The following PPARG variants were observed in gnomAD, a reference collection of about 807,000 sequenced individuals.
The protein encoded by PPARG is peroxisome proliferator-activated receptor gamma.
PPARG carries 17 observed loss-of-function variants against 39.2 expected under a neutral mutation model. The observed-to-expected ratio is 0.43, with a 90% CI of 0.30 to 0.65. The LOEUF (loss-of-function observed/expected upper bound fraction) is 0.65. Among genes scored for constraint, PPARG ranks in the 30% least tolerant of loss-of-function variants. The pLI is 0.13. For missense variants in PPARG, 406 were observed against 585.9 expected, an observed-to-expected ratio of 0.69 and a Z score of 3.17; for synonymous variants, 223 against 215.7, an observed-to-expected ratio of 1.03 and a Z score of -0.30.
At chr3:12,373,503 T>C (rs1178692535) in intron 2 of PPARG, among the ~76,000 whole-genome samples, 3 of 152,332 alleles carry the variant, frequency 2.0e-5, no homozygotes, top group African/African-American at 7.2e-5. Flanking sequence ...TTGTATTTTA[T>C]TGATAATGTT....
intron 2 of PPARG, among the ~76,000 whole-genome samples, chr3:12,376,286 C>A: frequency 6.6e-6 from 1 of 152,102 alleles, no homozygotes. Context: ...CAGCCGAAAT[C>A]TTCAATCTTC....
intron 5 of PPARG, among the ~76,000 whole-genome samples, chr3:12,399,043 C>T (rs2050370393): frequency 6.6e-6 from 1 of 152,176 alleles, no homozygotes; most frequent in African/African-American, 2.4e-5. Flanking sequence ...GAGAAAGACT[C>T]ATCTGTGTAA....
At chr3:12,321,924 G>T (rs1415739313) in intron 2 of PPARG, among the ~76,000 whole-genome samples, 1 of 152,166 alleles carries the variant, frequency 6.6e-6, no homozygotes, top group African/African-American at 2.4e-5. Flanking sequence ...TAAAATTGCA[G>T]TGTCATTGAA....
chr3:12,345,239 G>A (rs2048292415), intron 2 of PPARG, among the ~76,000 whole-genome samples: 1 of 152,190 alleles, frequency 6.6e-6, no homozygotes. Context: ...CTGTGAATGA[G>A]GCAAGAGAAC....
rs1292051524 is a variant in PPARG at position 12,291,034 on chromosome 3, G to C, written c.-83+1900G>C. Reference sequence around the variant, plus strand: ...CTGGATTCGTTGTCACTTGGACTTGGAAATACAGTATGTCATTAGGTGTGG... The same window carrying C: ...CTGGATTCGTTGTCACTTGGACTTGCAAATACAGTATGTCATTAGGTGTGG... On this transcript the variant is annotated intron_variant, in intron 1 of 7. Coordinates refer to ENST00000651735, the MANE Select transcript of PPARG (RefSeq NM_138711.6). Among the ~76,000 whole-genome samples the C allele has an allele frequency of 2.0e-5, 3 of 152,118 alleles. No homozygotes were observed. In the East Asian group the frequency reaches 5.8e-4, roughly 29 times the overall value.
At chr3:12,336,508 T>A (rs1446125271) in intron 2 of PPARG, among the ~76,000 whole-genome samples, 1 of 152,234 alleles carries the variant, frequency 6.6e-6, no homozygotes, top group African/African-American at 2.4e-5. Context: ...TTATTCTTGA[T>A]AACTTTGTTC....
chr3:12,381,543 T>G (rs553578064), intron 4 of PPARG, 52 bp downstream of exon 4: 102 of 1,573,412 alleles, frequency 6.5e-5, no homozygotes, highest in Non-Finnish European at 1.4e-5. Context: ...ATTATTTCAT[T>G]TCAGCAGAAC....
At chr3:12,289,576 A>T (rs1026344923) in intron 1 of PPARG, among the ~76,000 whole-genome samples, 1 of 152,162 alleles carries the variant, frequency 6.6e-6, no homozygotes, top group Non-Finnish European at 1.5e-5. Context: ...GAATAACTTA[A>T]CTCTTTAAAA....
At chr3:12,411,208 T>A (rs1198979265) in intron 6 of PPARG, among the ~76,000 whole-genome samples, 5 of 152,224 alleles carry the variant, frequency 3.3e-5, no homozygotes, top group Non-Finnish European at 5.9e-5. Context: ...GGATTTTTTT[T>A]TTCCAATGGC....
intron 2 of PPARG, among the ~76,000 whole-genome samples, chr3:12,330,167 G>A (rs1275475989): frequency 1.3e-5 from 2 of 152,092 alleles, no homozygotes; most frequent in Non-Finnish European, 2.9e-5. Flanking sequence ...GGAGTGAAAT[G>A]CTGGGTCACA....
intron 7 of PPARG, among the ~76,000 whole-genome samples, chr3:12,424,402 G>A (rs2051365270): frequency 6.6e-6 from 1 of 152,178 alleles, no homozygotes; most frequent in African/African-American, 2.4e-5. Flanking sequence ...AATTGGATTT[G>A]CCCTCAGAGA....
chr3:12,311,818 T>C (rs1046417096), intron 1 of PPARG, among the ~76,000 whole-genome samples: 1 of 152,210 alleles, frequency 6.6e-6, no homozygotes, highest in Non-Finnish European at 1.5e-5. Context: ...CTCTGAAAAG[T>C]CTGCTTCGTG....
intron 2 of PPARG, among the ~76,000 whole-genome samples, chr3:12,366,556 A>G (rs1442434375): frequency 6.6e-6 from 1 of 152,090 alleles, no homozygotes; most frequent in Non-Finnish European, 1.5e-5. Flanking sequence ...TCTCACCATT[A>G]CTTATGATGT....
chr3:12,292,306 G>T (rs917320731), intron 1 of PPARG, among the ~76,000 whole-genome samples: 1 of 152,138 alleles, frequency 6.6e-6, no homozygotes, highest in Admixed American at 6.5e-5. Context: ...GGCACAGATT[G>T]TGCGCTTTGA....
intron 5 of PPARG, among the ~76,000 whole-genome samples, chr3:12,402,075 G>C (rs1575119203): frequency 1.3e-5 from 2 of 152,246 alleles, no homozygotes; most frequent in East Asian, 3.9e-4. Flanking sequence ...GGAAAAAATT[G>C]CTTTTCTAGG....
intron 2 of PPARG, among the ~76,000 whole-genome samples, chr3:12,343,210 C>G (rs1163759973): frequency 6.6e-6 from 1 of 152,170 alleles, no homozygotes; most frequent in African/African-American, 2.4e-5. Flanking sequence ...ACCATGGATT[C>G]TCATTCCCCA....
intron 2 of PPARG, among the ~76,000 whole-genome samples, chr3:12,332,135 T>A (rs933997004): frequency 6.6e-6 from 1 of 152,200 alleles, no homozygotes; most frequent in African/African-American, 2.4e-5. Flanking sequence ...GAATGTACAG[T>A]GTATACATTG....
chr3:12,426,002 T>C (rs1013046860), intron 7 of PPARG, among the ~76,000 whole-genome samples: 4 of 152,182 alleles, frequency 2.6e-5, no homozygotes, highest in African/African-American at 9.7e-5. Flanking sequence ...GCCCACCCTG[T>C]CACCAGATGG....
chr3:12,407,800 C>T (rs935758230), intron 6 of PPARG, among the ~76,000 whole-genome samples: 1 of 152,126 alleles, frequency 6.6e-6, no homozygotes, highest in Non-Finnish European at 1.5e-5. Context: ...GGCATAAAGC[C>T]ATATGGTAAT....
Sources: gnomAD v4.1 joint callset for allele counts (sites outside exome capture counted in the v4.1 genomes callset) on GRCh38, gnomAD v4.1.1 for gene constraint, MANE v1.5 for transcripts, NCBI Gene and HGNC (gene_info 2026-07-23, HGNC 2026-07-21) for gene names.